Variants in PTPRD observed in about 807,000 individuals in gnomAD.
The protein encoded by PTPRD is receptor-type tyrosine-protein phosphatase delta.
In PTPRD, 34 loss-of-function variants were observed where a neutral mutation model predicts 214.5. The observed-to-expected ratio is 0.16, with a 90% CI of 0.12 to 0.21. PTPRD has a LOEUF of 0.21. Among genes scored for constraint, PTPRD ranks in the 10% least tolerant of loss-of-function variants. PTPRD has a pLI of 1.00. For missense variants in PTPRD, 2,545 were observed against 2,398.7 expected (o/e 1.06, Z -1.27); for synonymous variants, 1,128 against 845.7 (o/e 1.33, Z -5.79).
chr9:9,656,397 T>C (rs189376787), intron 7 of PTPRD, among the ~76,000 whole-genome samples: 312 of 152,244 alleles, frequency 2.0e-3, no homozygotes, highest in African/African-American at 6.9e-3. Context: ...AATACACTGA[T>C]ACATCCAGAC....
rs1273931211 is a variant in PTPRD, at chr9:8,704,624, A to T, written c.64+29156T>A. Among the ~76,000 whole-genome samples the T allele has an allele frequency of 3.3e-5, 5 of 152,232 alleles. No homozygotes were observed. The East Asian group carries it at 9.7e-4, about 29-fold the overall frequency. ...AAAGCACTGTACAAACAGAATATGG[A>T]AGCTTAAGACAGGTAAAATACCCGA... On this transcript the variant is annotated intron_variant, in intron 12 of 45. Transcript: ENST00000381196.
rs748982864 is a variant in PTPRD at position 8,521,516 on chromosome 9, G to A, written c.722C>T (p.Pro241Leu). 9.3e-6 allele frequency: 15 copies of A among 1,613,758 alleles called. No individual in the cohort carries two copies. Among genetic ancestry groups the A allele is most frequent in the Non-Finnish European group, 1.3e-5 (15 of 1,179,862 alleles). ...TGGCATGATTTCATGATTAGTGGGT[G>A]GGATAGAGAATCTTGGTGGGACACG... ...VRRVPPRFSI[P>L]PTNHEIMPGG... Residue 241 changes from proline to leucine, a missense_variant, in exon 20 of 46, where the codon CCA (proline) becomes CTA (leucine). Physicochemically the swap from Pro to Leu is moderately conservative, Grantham distance 98. Transcript: ENST00000381196.
rs181432445 is a variant in PTPRD, at chr9:9,676,113, G to A, written c.-287+58420C>T. 2.0e-4 allele frequency among the ~76,000 whole-genome samples: 31 copies of A among 151,974 alleles called. No homozygotes were observed. In the East Asian group the frequency reaches 5.8e-3, roughly 29 times the overall value. On this transcript the variant is annotated intron_variant, in intron 7 of 45. Transcript: ENST00000381196. Reference sequence around the variant, plus strand: ...AAGAATTTTGTGTAATCCAGTTTTTGTAAGTTTTTTTAATGTTGGTTTTTT... The same window carrying A: ...AAGAATTTTGTGTAATCCAGTTTTTATAAGTTTTTTTAATGTTGGTTTTTT...
At chr9:9,693,107 T>G (rs1032947674) in intron 7 of PTPRD, among the ~76,000 whole-genome samples, 12 of 152,018 alleles carry the variant, frequency 7.9e-5, no homozygotes, top group African/African-American at 2.7e-4. Context: ...TGGATGCCCT[T>G]TATTTCTTTC....
intron 9 of PTPRD, among the ~76,000 whole-genome samples, chr9:9,225,745 G>A (rs2099959029): frequency 6.6e-6 from 1 of 152,052 alleles, no homozygotes; most frequent in Admixed American, 6.6e-5. Flanking sequence ...TGGAGGAAAA[G>A]CAACAGAGAA....
At chr9:9,859,689 T>G (rs1200834006) in intron 5 of PTPRD, among the ~76,000 whole-genome samples, 1 of 152,188 alleles carries the variant, frequency 6.6e-6, no homozygotes, top group Non-Finnish European at 1.5e-5. Context: ...GTGAACTTAG[T>G]TAATGCTCCT....
At chr9:10,022,635 G>A (rs936273303) in intron 4 of PTPRD, among the ~76,000 whole-genome samples, 1 of 152,144 alleles carries the variant, frequency 6.6e-6, no homozygotes, top group Non-Finnish European at 1.5e-5. Flanking sequence ...TTTACACAGT[G>A]AGTATTTCAT....
chr9:9,941,646 T>C (rs1201546994), intron 4 of PTPRD, among the ~76,000 whole-genome samples: 1 of 152,154 alleles, frequency 6.6e-6, no homozygotes, highest in Admixed American at 6.5e-5. Context: ...TATAATAAAT[T>C]TGTCACAATG....
chr9:8,486,304 G>A lies in PTPRD; in HGVS notation c.2513C>T (p.Thr838Ile), dbSNP rs754848045. Residue 838 changes from threonine to isoleucine, a missense_variant, in exon 28 of 46, where the codon ACT becomes ATT. Physicochemically the swap from Thr to Ile is moderately conservative, Grantham distance 89. Transcript: ENST00000381196. ...RLVINHTQMNTALIQWHPPVD... is the reference protein window; with the variant it reads ...RLVINHTQMNIALIQWHPPVD... ...CGGAGGGTGCCACTGAATAAGAGCAGTATTCATCTGAGTGTGGTTAATCAC... is the reference window on the plus strand; with the variant it reads ...CGGAGGGTGCCACTGAATAAGAGCAATATTCATCTGAGTGTGGTTAATCAC... The A allele has an allele frequency of 3.1e-6, 5 of 1,614,076 alleles. No individual in the cohort carries two copies. The African/African-American group carries it at 4.0e-5, about 13-fold the overall frequency.
intron 3 of PTPRD, among the ~76,000 whole-genome samples, chr9:10,112,309 T>C (rs2098697864): frequency 6.6e-6 from 1 of 152,192 alleles, no homozygotes; most frequent in African/African-American, 2.4e-5. Flanking sequence ...TATTATCTTA[T>C]CCATGGAGTT....
At chr9:8,342,228 AC>A (rs1853122553) in intron 39 of PTPRD, among the ~76,000 whole-genome samples, 1 of 152,054 alleles carries the variant, frequency 6.6e-6, no homozygotes, top group African/African-American at 2.4e-5. Flanking sequence ...ATCCATAATC[AC>A]TATGTTCCTT....
intron 11 of PTPRD, among the ~76,000 whole-genome samples, chr9:8,803,459 T>C (rs1044828266): frequency 6.6e-6 from 1 of 152,226 alleles, no homozygotes; most frequent in Non-Finnish European, 1.5e-5. Context: ...CAGATCCTTT[T>C]AGCAATGATA....
At chr9:10,534,125 C>T (rs1306061136) in intron 2 of PTPRD, among the ~76,000 whole-genome samples, 1 of 151,682 alleles carries the variant, frequency 6.6e-6, no homozygotes, top group Non-Finnish European at 1.5e-5. Context: ...CCCTTACTAT[C>T]ATTGTCAGGT....
intron 2 of PTPRD, among the ~76,000 whole-genome samples, chr9:10,594,887 T>A (rs1431494270): frequency 2.0e-5 from 3 of 152,034 alleles, no homozygotes; most frequent in Non-Finnish European, 4.4e-5. Flanking sequence ...TACTTAGTTA[T>A]GGAATCATTT....
At chr9:8,520,101 G>A (rs1453203684) in intron 20 of PTPRD, among the ~76,000 whole-genome samples, 1 of 152,114 alleles carries the variant, frequency 6.6e-6, no homozygotes, top group East Asian at 1.9e-4. Flanking sequence ...ATGTCTTTCT[G>A]AACTTTCAAA....
At chr9:8,947,029 C>CTTTTTT (rs71317390) in intron 11 of PTPRD, among the ~76,000 whole-genome samples, 7 of 121,002 alleles carry the variant, frequency 5.8e-5, no homozygotes, top group African/African-American at 1.9e-4. Flanking sequence ...TTTTTCTTTT[C>CTTTTTT]TTTTTTTTTT....
chr9:9,166,220 G>T (rs1388406753), intron 10 of PTPRD, among the ~76,000 whole-genome samples: 1 of 151,282 alleles, frequency 6.6e-6, no homozygotes, highest in African/African-American at 2.4e-5. Flanking sequence ...TGTAATAGTA[G>T]GAATAGAGGA....
intron 10 of PTPRD, among the ~76,000 whole-genome samples, chr9:9,176,279 A>G (rs758837507): frequency 6.6e-6 from 1 of 152,170 alleles, no homozygotes; most frequent in African/African-American, 2.4e-5. Flanking sequence ...ATTTCTAGAA[A>G]GAGGTATCTA....
intron 3 of PTPRD, among the ~76,000 whole-genome samples, chr9:10,058,570 T>C (rs780825571): frequency 6.6e-6 from 1 of 152,126 alleles, no homozygotes; most frequent in Non-Finnish European, 1.5e-5. Flanking sequence ...CTGAATATCA[T>C]GGATCCTGCT....
Sources: allele counts gnomAD v4.1 joint callset (sites outside exome capture counted in the v4.1 genomes callset), GRCh38; gene constraint gnomAD v4.1.1; transcripts MANE v1.5; gene names NCBI Gene and HGNC (gene_info 2026-07-23, HGNC 2026-07-21).